Variants in SLC39A14 observed in about 807,000 individuals in gnomAD.
The protein encoded by SLC39A14 is metal cation symporter ZIP14.
In SLC39A14, 19 loss-of-function variants were observed where a neutral mutation model predicts 45.5. That is an observed-to-expected ratio of 0.42 (90% confidence interval 0.29 to 0.61). The LOEUF (loss-of-function observed/expected upper bound fraction) is 0.61, where lower values mean the gene tolerates loss of function less well. SLC39A14 is among the 20% of genes least tolerant of loss of function. SLC39A14 has a pLI of 0.22. For missense variants in SLC39A14, 447 were observed against 616.5 expected (o/e 0.73, Z 2.91); for synonymous variants, 264 against 251.3 (o/e 1.05, Z -0.48).
intron 3 of SLC39A14, among the ~76,000 whole-genome samples, chr8:22,410,901 T>G (rs147914264): frequency 3.5e-4 from 53 of 152,328 alleles, no homozygotes; most frequent in Middle Eastern, 3.4e-3. Flanking sequence ...GTTGACCCCA[T>G]TAGGGAGTCA....
intron 3 of SLC39A14, 98 bp from the exon 4 acceptor site, chr8:22,411,939 G>C: frequency 8.5e-7 from 1 of 1,171,312 alleles, no homozygotes; most frequent in Admixed American, 2.6e-5. Context: ...CTCCCTATCT[G>C]CTCCACCTTC....
rs1173734846 is a variant in SLC39A14, at chr8:22,422,281, T to C, written c.*2583T>C. 33 of 985,522 alleles carry C rather than the reference T, an allele frequency of 3.3e-5. No individual in the cohort carries two copies. Among genetic ancestry groups the C allele is most frequent in the Non-Finnish European group, 4.0e-5 (33 of 829,946 alleles). 61.0% of individuals were successfully genotyped at this position (985,522 alleles called of 1,614,324 possible). ...AGGCAGGGACAGGGGTTCTGCTCCT[T>C]CTCACTTCACCACCGGCACACAGCT... On this transcript the variant is annotated 3_prime_UTR_variant, in exon 9 of 9. Transcript: ENST00000381237.
Position 22,420,391 on chromosome 8 carries a change from G to T in SLC39A14, c.*693G>T. 9.1e-6 allele frequency: 9 copies of T among 985,440 alleles called. No individual in the cohort carries two copies. Among genetic ancestry groups the T allele is most frequent in the Non-Finnish European group, 1.1e-5 (9 of 829,960 alleles). 61.0% of individuals were successfully genotyped at this position (985,440 alleles called of 1,614,324 possible). ...TTTGTAACAGCACCTGGTGTTTCAC[G>T]GCTGTCCGAGTGAGCTAACGTGGCG... On this transcript the variant is annotated 3_prime_UTR_variant, in exon 9 of 9. Coordinates refer to ENST00000381237, the MANE Select transcript of SLC39A14 (RefSeq NM_001128431.4).
rs773392138 is a variant in SLC39A14 at position 22,416,196 on chromosome 8, A to G, written c.1063A>G (p.Ile355Val). 8 of 1,613,884 alleles carry G rather than the reference A, an allele frequency of 5.0e-6. No homozygotes were observed. The African/African-American group carries it at 5.3e-5, about 11-fold the overall frequency. ...GLHNFIDGLA[I>V]GASFTVSVFQ... ...CCATAATTTCATCGATGGCCTGGCCATCGGTGCTTCCTTCACTGTGTCAGT... is the reference window on the plus strand; with the variant it reads ...CCATAATTTCATCGATGGCCTGGCCGTCGGTGCTTCCTTCACTGTGTCAGT... Residue 355 changes from isoleucine to valine, a missense_variant, in exon 7 of 9, where the codon ATC becomes GTC. By Grantham distance (29) the Ile-to-Val change is conservative. This residue lies in a region of SLC39A14 where 105 missense variants were observed against 188.4 expected (regional missense o/e 0.56). Coordinates refer to ENST00000381237, the MANE Select transcript of SLC39A14 (RefSeq NM_001128431.4).
intron 1 of SLC39A14, among the ~76,000 whole-genome samples, chr8:22,368,623 G>A (rs1365085914): frequency 2.0e-5 from 3 of 151,888 alleles, no homozygotes; most frequent in Admixed American, 6.6e-5. Flanking sequence ...TGCAACCTCC[G>A]CCTCCCGGGT....
At chr8:22,412,247 G>C in intron 4 of SLC39A14, 41 bp downstream of exon 4, 2 of 1,543,876 alleles carry the variant, frequency 1.3e-6, no homozygotes, top group Non-Finnish European at 1.8e-6. Flanking sequence ...CATGCCGGCG[G>C]GCACAGTGGG....
intron 1 of SLC39A14, among the ~76,000 whole-genome samples, chr8:22,369,542 C>T (rs1832820343): frequency 6.6e-6 from 1 of 152,176 alleles, no homozygotes; most frequent in South Asian, 2.1e-4. Context: ...AGTGCAAACT[C>T]TTGGGGAGAA....
At chr8:22,401,386 G>T (rs1017563794) in intron 1 of SLC39A14, among the ~76,000 whole-genome samples, 10 of 152,064 alleles carry the variant, frequency 6.6e-5, no homozygotes, top group African/African-American at 2.2e-4. Context: ...GGAGAAAGGA[G>T]ACTCATTTTC....
intron 1 of SLC39A14, among the ~76,000 whole-genome samples, chr8:22,383,771 C>G (rs537896435): frequency 6.6e-6 from 1 of 152,292 alleles, no homozygotes; most frequent in South Asian, 2.1e-4. Context: ...CATCCCAGGC[C>G]CATGTGACTC....
At position 22,397,590 on chromosome 8, in the gene SLC39A14, A is replaced by C. The variant is rs77309621; in HGVS notation, c.-15-7106A>C. Among the ~76,000 whole-genome samples, 862 of 136,806 alleles carry C rather than the reference A, an allele frequency of 6.3e-3. 6 individuals are homozygous for C. Among genetic ancestry groups the C allele is most frequent in the African/African-American group, 0.02 (786 of 39,058 alleles). The allele number at this position is 136,806 out of a possible 152,430, so 89.8% of individuals were successfully genotyped here. ...GGGCGAAAGAGCGAGACTCCGTCCC[A>C]AAAAAAAAAAAGAAAGACCTCCTCC... On this transcript the variant is annotated intron_variant, in intron 1 of 8. Coordinates refer to ENST00000381237, the MANE Select transcript of SLC39A14 (RefSeq NM_001128431.4).
Position 22,409,378 on chromosome 8 carries a change from G to GT in SLC39A14, c.457+890dup, listed in dbSNP as rs773122000. The stretch of plus-strand genomic sequence containing the variant: ...GTTATTTACTTGTATGGCTTTTTTT[G>GT]TTTTTTTTGTTTGTTTGTTTTGAGA... On this transcript the variant is annotated intron_variant, in intron 3 of 8. Transcript: ENST00000381237. Among the ~76,000 whole-genome samples the GT allele has an allele frequency of 2.3e-3, 315 of 139,800 alleles. 1 individual carries two copies. The highest frequency in any genetic ancestry group is 6.7e-3 in the African/African-American group (266 of 39,942). The allele number at this position is 139,800 out of a possible 152,430, so 91.7% of individuals were successfully genotyped here.
chr8:22,415,962 G>T lies in SLC39A14; in HGVS notation c.939+5G>T. The stretch of plus-strand genomic sequence containing the variant: ...GTGGGCTCGCTCTCTGTGCAGGTCA[G>T]TGGGCCACCAGCTGCTTGGTGGAGC... On this transcript the variant is annotated splice_donor_5th_base_variant and intron_variant, in intron 6 of 8. Coordinates refer to ENST00000381237, the MANE Select transcript of SLC39A14 (RefSeq NM_001128431.4). 1 of 1,601,486 alleles carries T rather than the reference G, an allele frequency of 6.2e-7. No homozygotes were observed. Among genetic ancestry groups the T allele is most frequent in the South Asian group, 1.1e-5 (1 of 90,300 alleles).
chr8:22,375,228 CAGAA>C (rs201882898), intron 1 of SLC39A14, among the ~76,000 whole-genome samples: 33,704 of 152,008 alleles, frequency 0.22, 4,707 homozygotes, highest in East Asian at 0.52. Context: ...TAACTATACA[CAGAA>C]TTCCCCCAAA....
In SLC39A14 at chr8:22,415,963, T is replaced by G; in HGVS notation, c.939+6T>G. 1 of 1,601,294 alleles carries G rather than the reference T, an allele frequency of 6.2e-7. No individual in the cohort carries two copies. Among genetic ancestry groups the G allele is most frequent in the Non-Finnish European group, 8.5e-7 (1 of 1,171,440 alleles). On this transcript the variant is annotated splice_donor_region_variant and intron_variant, in intron 6 of 8. Coordinates refer to ENST00000381237, the MANE Select transcript of SLC39A14 (RefSeq NM_001128431.4). ...TGGGCTCGCTCTCTGTGCAGGTCAG[T>G]GGGCCACCAGCTGCTTGGTGGAGCC...
At chr8:22,378,457 TG>T (rs1323114116) in intron 1 of SLC39A14, among the ~76,000 whole-genome samples, 1 of 152,172 alleles carries the variant, frequency 6.6e-6, no homozygotes, top group Non-Finnish European at 1.5e-5. Context: ...GCTATAGGAC[TG>T]AGGTCCCCTG....
chr8:22,405,100 A>C, intron 2 of SLC39A14, 120 bp downstream of exon 2: 1 of 852,980 alleles, frequency 1.2e-6, no homozygotes, highest in Non-Finnish European at 1.8e-6. Flanking sequence ...GAGGCAGACA[A>C]GTCTCGATGA....
chr8:22,378,563 A>C (rs1328413020), intron 1 of SLC39A14, among the ~76,000 whole-genome samples: 1 of 152,100 alleles, frequency 6.6e-6, no homozygotes, highest in Non-Finnish European at 1.5e-5. Context: ...GGTCTCCTCC[A>C]TCCCCTGTGA....
Position 22,421,033 on chromosome 8 carries a change from C to T in SLC39A14, c.*1335C>T, listed in dbSNP as rs1438129201. On this transcript the variant is annotated 3_prime_UTR_variant, in exon 9 of 9. Coordinates refer to ENST00000381237, the MANE Select transcript of SLC39A14 (RefSeq NM_001128431.4). ...TGGAGCCCTTGCCTCCGAGCTCTGG[C>T]TTCAAGGGGAGCTCTTCTCCAGGTT... 2.0e-6 allele frequency: 2 copies of T among 985,714 alleles called. No homozygotes were observed. The highest frequency in any genetic ancestry group is 3.5e-5 in the African/African-American group (2 of 57,208). The allele number at this position is 985,714 out of a possible 1,614,324, so 61.1% of individuals were successfully genotyped here. A position where few individuals can be genotyped will look rare whatever the true frequency, so the allele number is the denominator to read the frequency against.
chr8:22,394,713 T>C (rs1834283713), intron 1 of SLC39A14, among the ~76,000 whole-genome samples: 1 of 152,222 alleles, frequency 6.6e-6, no homozygotes, highest in Non-Finnish European at 1.5e-5. Context: ...TATTTCCATT[T>C]CTGTATTAAT....
Sources: gnomAD v4.1 joint callset for allele counts (sites outside exome capture counted in the v4.1 genomes callset) on GRCh38, gnomAD v4.1.1 for gene constraint, gnomAD v4.1.1 regional missense constraint, MANE v1.5 for transcripts, NCBI Gene and HGNC (gene_info 2026-07-23, HGNC 2026-07-21) for gene names.